KCND3: variants seen among roughly 807,000 people sequenced by gnomAD.
KCND3 encodes the protein A-type voltage-gated potassium channel KCND3.
In KCND3, 9 loss-of-function variants were observed where a neutral mutation model predicts 51.1. The ratio of observed to expected loss-of-function variants is 0.18; its 90% CI spans 0.11 to 0.31. KCND3 has a LOEUF of 0.31. KCND3 is among the 10% of genes least tolerant of loss of function. The pLI, the probability that KCND3 is intolerant of heterozygous loss-of-function variation, is 1.00. For missense variants in KCND3, 526 were observed against 903.8 expected, an observed-to-expected ratio of 0.58 and a Z score of 5.36; for synonymous variants, 349 against 368.0, an observed-to-expected ratio of 0.95 and a Z score of 0.59.
chr1:111,791,030 C>T (rs1483197076), intron 2 of KCND3, among the ~76,000 whole-genome samples: 1 of 152,208 alleles, frequency 6.6e-6, no homozygotes. Context: ...CTGCTATGAA[C>T]ATTTGTGTAC....
intron 2 of KCND3, among the ~76,000 whole-genome samples, chr1:111,787,842 C>G (rs1664673119): frequency 6.6e-6 from 1 of 152,232 alleles, no homozygotes; most frequent in Admixed American, 6.5e-5. Flanking sequence ...ACTTTGTATT[C>G]TTATCCCCAT....
intron 2 of KCND3, among the ~76,000 whole-genome samples, chr1:111,932,844 T>C (rs1672044042): frequency 6.6e-6 from 1 of 152,212 alleles, no homozygotes; most frequent in Admixed American, 6.5e-5. Context: ...GAGTGTGATC[T>C]GATATGGTGG....
intron 2 of KCND3, among the ~76,000 whole-genome samples, chr1:111,826,737 AG>A (rs764486344): frequency 3.9e-5 from 6 of 152,334 alleles, no homozygotes; most frequent in Non-Finnish European, 7.3e-5. Context: ...TACTACTGGG[AG>A]ATGTGAAGTT....
intron 2 of KCND3, among the ~76,000 whole-genome samples, chr1:111,946,868 A>G (rs1274738749): frequency 6.6e-6 from 1 of 152,234 alleles, no homozygotes; most frequent in Non-Finnish European, 1.5e-5. Context: ...CATAAGAAAG[A>G]ACTGCATGGA....
chr1:111,891,968 CTGTGTGTGTGTCTG>C (rs1423742874), intron 2 of KCND3, among the ~76,000 whole-genome samples: 2 of 123,908 alleles, frequency 1.6e-5, no homozygotes, highest in Admixed American at 9.4e-5. Flanking sequence ...GCGTGTGTGT[CTGTGTGTGTGTCTG>C]TGTGTGTGTG....
intron 7 of KCND3, among the ~76,000 whole-genome samples, chr1:111,776,616 G>A (rs901641624): frequency 6.6e-6 from 1 of 152,136 alleles, no homozygotes; most frequent in Non-Finnish European, 1.5e-5. Context: ...TAAGCAGAGG[G>A]GGAGGGAAAA....
chr1:111,876,987 G>C lies in KCND3; in HGVS notation c.1107-89881C>G, dbSNP rs1029948994. ...ATGGACTGATTGGGATCCTGCTCCA[G>C]AGCCCCATCATTGACTCACTTAGCC... On this transcript the variant is annotated intron_variant, in intron 2 of 7. Transcript: ENST00000302127. Among the ~76,000 whole-genome samples the C allele has an allele frequency of 2.6e-5, 4 of 152,332 alleles. No homozygotes were observed. The South Asian group carries it at 8.3e-4, about 32-fold the overall frequency.
chr1:111,847,212 C>T (rs953979256), intron 2 of KCND3, among the ~76,000 whole-genome samples: 3 of 152,172 alleles, frequency 2.0e-5, no homozygotes, highest in African/African-American at 4.8e-5. Flanking sequence ...GGGCCATCTT[C>T]CTTCCCATAG....
intron 2 of KCND3, among the ~76,000 whole-genome samples, chr1:111,836,283 G>T (rs914953762): frequency 4.6e-5 from 7 of 152,268 alleles, no homozygotes; most frequent in Admixed American, 2.0e-4. Context: ...GCCTTCTTGG[G>T]GCTCCCCATG....
chr1:111,982,807 C>T lies in KCND3; in HGVS notation c.-72-9G>A. On this transcript the variant is annotated splice_polypyrimidine_tract_variant and intron_variant, in intron 1 of 7. Coordinates refer to ENST00000302127, the MANE Select transcript of KCND3 (RefSeq NM_001378969.1). This position sits in a 1 kb window ranked among gnomAD's most constrained non-coding sequence, Gnocchi z 8.5. ...AGTTAGTTCAGCAAACCCTGGGAGA[C>T]AGGAGGGGAGAGAGAGAAGCGGTGA... 1 of 1,530,266 alleles carries T rather than the reference C, an allele frequency of 6.5e-7. No individual in the cohort carries two copies. Among genetic ancestry groups the T allele is most frequent in the Non-Finnish European group, 8.8e-7 (1 of 1,141,028 alleles). 94.8% of individuals were successfully genotyped at this position (1,530,266 alleles called of 1,614,324 possible).
intron 2 of KCND3, among the ~76,000 whole-genome samples, chr1:111,960,271 C>A (rs59950456): frequency 0.013 from 2,038 of 152,312 alleles, 52 homozygotes; most frequent in African/African-American, 0.046. Context: ...TCACAGCAGA[C>A]CCCATGTAAA....
At chr1:111,897,595 C>G (rs372277078) in intron 2 of KCND3, among the ~76,000 whole-genome samples, 2 of 152,166 alleles carry the variant, frequency 1.3e-5, no homozygotes, top group African/African-American at 4.8e-5. Context: ...TATGTGGGGC[C>G]AGGTAGGGCA....
intron 2 of KCND3, among the ~76,000 whole-genome samples, chr1:111,833,438 G>A (rs1265430468): frequency 1.3e-5 from 2 of 152,220 alleles, no homozygotes; most frequent in East Asian, 3.8e-4. Context: ...ATGACAAGGA[G>A]CCTGAGGCCC....
At chr1:111,985,079 C>T (rs1373740514) in intron 1 of KCND3, among the ~76,000 whole-genome samples, 1 of 152,156 alleles carries the variant, frequency 6.6e-6, no homozygotes, top group East Asian at 1.9e-4. Flanking sequence ...CTCACAGCAA[C>T]CCTAGGAAGA....
intron 2 of KCND3, among the ~76,000 whole-genome samples, chr1:111,865,096 C>A (rs1668498946): frequency 6.6e-6 from 1 of 152,132 alleles, no homozygotes; most frequent in Non-Finnish European, 1.5e-5. Context: ...ATGCTAAGGC[C>A]CCACTATCAG....
rs1289186164 is a variant in KCND3 at position 111,988,357 on chromosome 1, A to G, written c.-73+1148T>C. 3.3e-5 allele frequency among the ~76,000 whole-genome samples: 5 copies of G among 152,232 alleles called. No individual in the cohort carries two copies. In the East Asian group the frequency reaches 9.7e-4, roughly 29 times the overall value. On this transcript the variant is annotated intron_variant, in intron 1 of 7. Coordinates refer to ENST00000302127, the MANE Select transcript of KCND3 (RefSeq NM_001378969.1). Reference sequence around the variant, plus strand: ...GTGCCACTCCTAGGCTAGCCAGGGCACTTTCCTGAACTCTTTTTCTCCAGC... The same window carrying G: ...GTGCCACTCCTAGGCTAGCCAGGGCGCTTTCCTGAACTCTTTTTCTCCAGC...
chr1:111,868,604 C>G (rs1050948588), intron 2 of KCND3, among the ~76,000 whole-genome samples: 1 of 152,124 alleles, frequency 6.6e-6, no homozygotes, highest in African/African-American at 2.4e-5. Flanking sequence ...TAATAGCTAC[C>G]ATTTATTAAG....
In KCND3 at chr1:111,857,231, C is replaced by T. The variant is rs559495505; in HGVS notation, c.1107-70125G>A. Among the ~76,000 whole-genome samples, 74 of 152,294 alleles carry T rather than the reference C, an allele frequency of 4.9e-4. No homozygotes were observed. In the South Asian group the frequency reaches 0.014, roughly 29 times the overall value. ...TGTATGGTTTCTAGGATCATCATCG[C>T]GGTGTTACAGATGCTCTGGGCTCCA... On this transcript the variant is annotated intron_variant, in intron 2 of 7. Coordinates refer to ENST00000302127, the MANE Select transcript of KCND3 (RefSeq NM_001378969.1).
At chr1:111,928,569 G>T (rs745640678) in intron 2 of KCND3, among the ~76,000 whole-genome samples, 1 of 152,210 alleles carries the variant, frequency 6.6e-6, no homozygotes, top group Non-Finnish European at 1.5e-5. Flanking sequence ...GACTGCATTT[G>T]CATATGTTGA....
Sources: allele counts gnomAD v4.1 joint callset (sites outside exome capture counted in the v4.1 genomes callset), GRCh38; gene constraint gnomAD v4.1.1; non-coding constraint Gnocchi (gnomAD v3.1); transcripts MANE v1.5; gene names NCBI Gene and HGNC (gene_info 2026-07-23, HGNC 2026-07-21).